The following CCSER1 variants were observed in gnomAD, a reference collection of about 807,000 sequenced individuals.
The protein encoded by CCSER1 is serine-rich coiled-coil domain-containing protein 1.
In CCSER1, 41 loss-of-function variants were observed where a neutral mutation model predicts 82.0. The ratio of observed to expected loss-of-function variants is 0.50; its 90% confidence interval spans 0.39 to 0.65. CCSER1 has a LOEUF of 0.65. Ranked by LOEUF, CCSER1 falls within the 30% of genes least tolerant of loss-of-function variation. CCSER1 has a pLI of 0.00. For synonymous variants in CCSER1, 414 were observed against 383.9 expected, an observed-to-expected ratio of 1.08 and a Z score of -0.92; for missense variants, 1,119 against 1,064.2, an observed-to-expected ratio of 1.05 and a Z score of -0.72.
intron 10 of CCSER1, among the ~76,000 whole-genome samples, chr4:91,223,324 G>A (rs1044146144): frequency 9.9e-5 from 15 of 151,782 alleles, no homozygotes; most frequent in Admixed American, 2.0e-4. Context: ...CACTATCATC[G>A]TCAAAACACA....
In CCSER1 at chr4:91,446,676, A is replaced by ATATATATAT. The variant is rs376326688; in HGVS notation, c.2218-151896_2218-151895insTATATATAT. Among the ~76,000 whole-genome samples the ATATATATAT allele has an allele frequency of 2.0e-3, 289 of 142,522 alleles. 1 individual carries two copies. The highest frequency in any genetic ancestry group is 3.3e-3 in the African/African-American group (131 of 39,214). 93.5% of individuals were successfully genotyped at this position (142,522 alleles called of 152,430 possible). A position where few individuals can be genotyped will look rare whatever the true frequency, so the allele number is the denominator to read the frequency against. On this transcript the variant is annotated intron_variant, in intron 10 of 10. Transcript: ENST00000509176. ...TACAAATATATATTTTAAATAAATA[A>ATATATATAT]ATATATATATATATATAATAGTCCT...
chr4:90,734,318 G>C (rs955570960), intron 7 of CCSER1, among the ~76,000 whole-genome samples: 1 of 151,836 alleles, frequency 6.6e-6, no homozygotes, highest in African/African-American at 2.4e-5. Context: ...GTAGAGACGG[G>C]GTTTCACTGC....
intron 6 of CCSER1, among the ~76,000 whole-genome samples, chr4:90,639,338 TA>T (rs201726215): frequency 0.016 from 2,453 of 152,046 alleles, 39 homozygotes; most frequent in South Asian, 0.053. Flanking sequence ...CAATAATTTT[TA>T]ATAAAAGCCA....
chr4:91,036,264 T>C (rs1338836091), intron 9 of CCSER1, among the ~76,000 whole-genome samples: 1 of 152,232 alleles, frequency 6.6e-6, no homozygotes, highest in Admixed American at 6.5e-5. Flanking sequence ...CAGTATTTTG[T>C]AACATTCTTA....
intron 3 of CCSER1, among the ~76,000 whole-genome samples, chr4:90,391,682 G>A (rs1379350674): frequency 6.6e-6 from 1 of 151,320 alleles, no homozygotes; most frequent in African/African-American, 2.4e-5. Flanking sequence ...AATGAGAGTT[G>A]AGGAACTAGA....
intron 4 of CCSER1, among the ~76,000 whole-genome samples, chr4:90,419,628 A>G (rs1756379675): frequency 6.6e-6 from 1 of 151,876 alleles, no homozygotes; most frequent in South Asian, 2.1e-4. Flanking sequence ...ATCTTAGAAG[A>G]GGAGAGAGAA....
At chr4:91,343,256 T>A (rs1747834185) in intron 10 of CCSER1, among the ~76,000 whole-genome samples, 1 of 152,152 alleles carries the variant, frequency 6.6e-6, no homozygotes, top group East Asian at 1.9e-4. Flanking sequence ...TAAAAAATTT[T>A]AAAAATACTT....
chr4:90,798,222 T>C (rs62314101), intron 7 of CCSER1, among the ~76,000 whole-genome samples: 52,636 of 151,940 alleles, frequency 0.35, 9,553 homozygotes, highest in African/African-American at 0.45. Context: ...TTTCAGAAAG[T>C]CAGTCCTCAA....
At chr4:91,353,308 C>CA (rs35619242) in intron 10 of CCSER1, among the ~76,000 whole-genome samples, 64,009 of 151,994 alleles carry the variant, frequency 0.42, 14,191 homozygotes, top group East Asian at 0.82. Flanking sequence ...TTTGGGCAAG[C>CA]AAGGGGTCCG....
intron 5 of CCSER1, among the ~76,000 whole-genome samples, chr4:90,484,965 C>T (rs1766760270): frequency 6.6e-6 from 1 of 152,230 alleles, no homozygotes; most frequent in South Asian, 2.1e-4. Context: ...CTGTGCCCAG[C>T]CCCTAGAGGT....
intron 5 of CCSER1, among the ~76,000 whole-genome samples, chr4:90,564,723 A>G (rs2153649943): frequency 6.6e-6 from 1 of 151,360 alleles, no homozygotes; most frequent in South Asian, 2.1e-4. Context: ...TAAGAGTCTA[A>G]TTCATTCTTC....
At chr4:90,625,780 T>C (rs554764568) in intron 5 of CCSER1, among the ~76,000 whole-genome samples, 1 of 152,258 alleles carries the variant, frequency 6.6e-6, no homozygotes, top group Admixed American at 6.5e-5. Flanking sequence ...ATTAAAAATA[T>C]ATTCAAATTA....
intron 4 of CCSER1, among the ~76,000 whole-genome samples, chr4:90,452,991 A>G (rs1761677612): frequency 6.6e-6 from 1 of 152,134 alleles, no homozygotes; most frequent in South Asian, 2.1e-4. Context: ...CTGCCTCCCT[A>G]AGAGATTTCA....
chr4:90,826,316 T>G (rs1205611180), intron 8 of CCSER1, among the ~76,000 whole-genome samples: 1 of 152,218 alleles, frequency 6.6e-6, no homozygotes, highest in Non-Finnish European at 1.5e-5. Flanking sequence ...TATTTAACTG[T>G]ATGTATATAA....
chr4:90,906,540 A>G (rs557298220), intron 8 of CCSER1, among the ~76,000 whole-genome samples: 1 of 152,252 alleles, frequency 6.6e-6, no homozygotes, highest in South Asian at 2.1e-4. Context: ...GAATTTTTAT[A>G]CACATTGAAA....
rs1362534272 is a variant in CCSER1 at position 90,468,407 on chromosome 4, A to G, written c.1724+53A>G. 1.9e-5 allele frequency: 29 copies of G among 1,491,170 alleles called. No individual in the cohort carries two copies. In the East Asian group the frequency reaches 6.4e-4, roughly 33 times the overall value. 92.4% of individuals were successfully genotyped at this position (1,491,170 alleles called of 1,614,324 possible). A position where few individuals can be genotyped will look rare whatever the true frequency, so the allele number is the denominator to read the frequency against. On this transcript the variant is annotated intron_variant, in intron 5 of 10. Transcript: ENST00000509176. ...CCTTGTAAAATCAATTAGATAACTG[A>G]TAAGAAAATGTGATTTATAATAAAT... is the stretch of plus-strand genomic sequence containing the variant.
At chr4:90,550,544 A>G (rs1777335624) in intron 5 of CCSER1, among the ~76,000 whole-genome samples, 1 of 152,112 alleles carries the variant, frequency 6.6e-6, no homozygotes, top group African/African-American at 2.4e-5. Context: ...ACAAATTAAT[A>G]TAGAAAAATA....
At chr4:90,939,957 T>C (rs1561396327) in intron 9 of CCSER1, among the ~76,000 whole-genome samples, 1 of 152,110 alleles carries the variant, frequency 6.6e-6, no homozygotes, top group Non-Finnish European at 1.5e-5. Flanking sequence ...TATTTTATAC[T>C]TAAAACCTTT....
intron 9 of CCSER1, among the ~76,000 whole-genome samples, chr4:91,018,420 A>G (rs1294155980): frequency 6.6e-6 from 1 of 152,116 alleles, no homozygotes; most frequent in African/African-American, 2.4e-5. Context: ...TTCCTGAATT[A>G]TCTCTTTATC....
Sources: gnomAD v4.1 joint callset for allele counts (sites outside exome capture counted in the v4.1 genomes callset) on GRCh38, gnomAD v4.1.1 for gene constraint, MANE v1.5 for transcripts, NCBI Gene and HGNC (gene_info 2026-07-23, HGNC 2026-07-21) for gene names.